Variants in SCHIP1 observed in about 807,000 individuals in gnomAD.
SCHIP1 encodes schwannomin-interacting protein 1.
In SCHIP1, 8 loss-of-function variants were observed where a neutral mutation model predicts 29.7. The ratio of observed to expected loss-of-function variants is 0.27; its 90% CI spans 0.16 to 0.49. The LOEUF (loss-of-function observed/expected upper bound fraction) is 0.49, where lower values mean the gene tolerates loss of function less well. Among genes scored for constraint, SCHIP1 ranks in the 20% least tolerant of loss-of-function variants. The pLI, the probability that SCHIP1 is intolerant of heterozygous loss-of-function variation, is 0.99. For synonymous variants in SCHIP1, 76 were observed against 94.9 expected, an observed-to-expected ratio of 0.80 and a Z score of 1.16; for missense variants, 193 against 294.6, an observed-to-expected ratio of 0.66 and a Z score of 2.52.
At chr3:159,463,926 C>A in the SCHIP1 span, among the ~76,000 whole-genome samples, 1 of 152,034 alleles carries the variant, frequency 6.6e-6, no homozygotes, top group East Asian at 1.9e-4. Flanking sequence ...TCATAATAAT[C>A]TATTGTATGG....
the SCHIP1 span, among the ~76,000 whole-genome samples, chr3:159,355,528 T>C: frequency 0.47 from 70,746 of 152,002 alleles, 16,738 homozygotes; most frequent in African/African-American, 0.51. Context: ...TGAAAATTGA[T>C]TTCCTCAGAT....
the SCHIP1 span, among the ~76,000 whole-genome samples, chr3:159,442,277 G>A: frequency 4.6e-5 from 7 of 152,180 alleles, no homozygotes; most frequent in East Asian, 1.9e-4. Flanking sequence ...TTTGAGACTG[G>A]CAGGAATTGC....
chr3:159,740,623 G>T, the SCHIP1 span, among the ~76,000 whole-genome samples: 5 of 151,600 alleles, frequency 3.3e-5, no homozygotes, highest in Admixed American at 1.3e-4. Flanking sequence ...AAGATTCCAA[G>T]AATTAAAAAA....
At chr3:159,418,706 A>T in the SCHIP1 span, among the ~76,000 whole-genome samples, 1 of 152,240 alleles carries the variant, frequency 6.6e-6, no homozygotes, top group Non-Finnish European at 1.5e-5. Context: ...AGACTTCATT[A>T]GCTCTGACGG....
the SCHIP1 span, among the ~76,000 whole-genome samples, chr3:159,658,249 C>A: frequency 6.6e-6 from 1 of 152,142 alleles, no homozygotes; most frequent in Non-Finnish European, 1.5e-5. Context: ...AGTCCCCATT[C>A]AATGTTTATG....
chr3:159,598,273 C>T, the SCHIP1 span, among the ~76,000 whole-genome samples: 1 of 152,198 alleles, frequency 6.6e-6, no homozygotes, highest in Admixed American at 6.5e-5. Context: ...AGTCTTAACT[C>T]ATTCCATTAT....
chr3:159,679,796 C>T, the SCHIP1 span, among the ~76,000 whole-genome samples: 1 of 152,206 alleles, frequency 6.6e-6, no homozygotes, highest in East Asian at 1.9e-4. Context: ...CTGTGCTCAC[C>T]ATCCCCTGCT....
the SCHIP1 span, among the ~76,000 whole-genome samples, chr3:159,559,928 G>A: frequency 6.6e-6 from 1 of 152,114 alleles, no homozygotes; most frequent in Admixed American, 6.6e-5. Flanking sequence ...ACTGATTATT[G>A]TAGATAAATA....
the SCHIP1 span, among the ~76,000 whole-genome samples, chr3:159,637,924 A>G: frequency 6.6e-6 from 1 of 152,326 alleles, no homozygotes; most frequent in Non-Finnish European, 1.5e-5. Context: ...AATGTGCTAT[A>G]TTTGAATATT....
intron 1 of SCHIP1, among the ~76,000 whole-genome samples, chr3:159,856,824 A>T (rs561069499): frequency 2.6e-5 from 4 of 152,298 alleles, no homozygotes; most frequent in East Asian, 3.9e-4. Flanking sequence ...TGTTTTTTTT[A>T]AAAGGTGAAT....
the SCHIP1 span, among the ~76,000 whole-genome samples, chr3:159,295,270 A>AC: frequency 1.4e-5 from 2 of 145,180 alleles, no homozygotes; most frequent in East Asian, 3.1e-4. Flanking sequence ...AAAAAAAAAA[A>AC]AAAAAACAAC....
At chr3:159,667,942 T>C in the SCHIP1 span, among the ~76,000 whole-genome samples, 5 of 152,176 alleles carry the variant, frequency 3.3e-5, no homozygotes, top group African/African-American at 2.4e-5. Context: ...GTTTTGAAAA[T>C]ATTGCTTTAA....
chr3:159,392,766 T>C, the SCHIP1 span, among the ~76,000 whole-genome samples: 2 of 152,136 alleles, frequency 1.3e-5, no homozygotes, highest in Non-Finnish European at 2.9e-5. Flanking sequence ...AGAGCCGCAA[T>C]AAACATACGT....
the SCHIP1 span, among the ~76,000 whole-genome samples, chr3:159,644,470 T>C: frequency 8.2e-3 from 1,223 of 148,632 alleles, 21 homozygotes; most frequent in African/African-American, 0.031. Context: ...TCTAGTGTGA[T>C]GTAAATGCAC....
chr3:159,397,809 C>T, the SCHIP1 span, among the ~76,000 whole-genome samples: 1 of 152,358 alleles, frequency 6.6e-6, no homozygotes, highest in Non-Finnish European at 1.5e-5. Context: ...GTTGAGCCTA[C>T]AAAGGCAGGC....
the SCHIP1 span, among the ~76,000 whole-genome samples, chr3:159,308,685 T>C: frequency 6.6e-6 from 1 of 152,244 alleles, no homozygotes; most frequent in South Asian, 2.1e-4. Flanking sequence ...AGAAAATAAA[T>C]CATTCTACCG....
the SCHIP1 span, among the ~76,000 whole-genome samples, chr3:159,678,103 A>G: frequency 1.5e-3 from 227 of 152,340 alleles, no homozygotes; most frequent in Middle Eastern, 0.014. Flanking sequence ...GAATATTCCA[A>G]ATAAATCTTA....
At chr3:159,724,115 C>G in the SCHIP1 span, among the ~76,000 whole-genome samples, 1 of 152,092 alleles carries the variant, frequency 6.6e-6, no homozygotes, top group East Asian at 1.9e-4. Flanking sequence ...AGTTGCATAT[C>G]TATGATTTCT....
chr3:159,335,678 A>AT, the SCHIP1 span, among the ~76,000 whole-genome samples: 1 of 152,054 alleles, frequency 6.6e-6, no homozygotes, highest in African/African-American at 2.4e-5. Flanking sequence ...TGAACTCATC[A>AT]TTTTTTATGG....
Sources: gnomAD v4.1 joint callset for allele counts (sites outside exome capture counted in the v4.1 genomes callset) on GRCh38, gnomAD v4.1.1 for gene constraint, MANE v1.5 for transcripts, NCBI Gene and HGNC (gene_info 2026-07-23, HGNC 2026-07-21) for gene names.